SLAMF9: variants seen among roughly 807,000 people sequenced by gnomAD.
SLAMF9 encodes CD2 family member 10.
A neutral mutation model predicts 30.4 loss-of-function variants in SLAMF9; 25 were observed. The ratio of observed to expected loss-of-function variants is 0.82; its 90% CI spans 0.60 to 1.15. The LOEUF is 1.15. Ranked by LOEUF, SLAMF9 falls within the 50% of genes most tolerant of loss-of-function variation. The pLI, the probability that SLAMF9 is intolerant of heterozygous loss-of-function variation, is 0.00. For missense variants in SLAMF9, 344 were observed against 346.1 expected (o/e 0.99, Z 0.05); for synonymous variants, 129 against 127.2 (o/e 1.01, Z -0.09).
the SLAMF9 span, among the ~76,000 whole-genome samples, chr1:159,971,002 T>C: frequency 6.6e-6 from 1 of 152,148 alleles, no homozygotes; most frequent in Non-Finnish European, 1.5e-5. Flanking sequence ...TGTGTAACAA[T>C]ACACACACAA....
rs143290015 is a variant in SLAMF9 at position 159,951,816 on chromosome 1, T to C, written c.715A>G (p.Lys239Glu). 9.8e-4 allele frequency: 1,584 copies of C among 1,614,190 alleles called. 25 individuals are homozygous for C. The Admixed American group carries it at 0.024, about 25-fold the overall frequency. ...KPSTAFCLLA[K>E]GLLIFLLLVI... ...AAGAGCAAGAAGATGAGCAATCCCT[T>C]GGCCAGGAGGCAGAAGGCTGTTGAA... is the stretch of plus-strand genomic sequence containing the variant. Residue 239 changes from lysine (K) to glutamate (E), a missense_variant, in exon 4 of 4, where the codon AAG becomes GAG. By Grantham distance (56) the Lys-to-Glu change is moderately conservative. Coordinates refer to ENST00000368093, the MANE Select transcript of SLAMF9 (RefSeq NM_033438.4).
chr1:159,956,667 G>A (rs1651928338), upstream of SLAMF9, among the ~76,000 whole-genome samples: 1 of 151,758 alleles, frequency 6.6e-6, no homozygotes, highest in South Asian at 2.1e-4. Flanking sequence ...TTGAGAGGGA[G>A]CAAAGCAAAA....
chr1:159,977,717 T>C, the SLAMF9 span, among the ~76,000 whole-genome samples: 3 of 152,154 alleles, frequency 2.0e-5, no homozygotes, highest in African/African-American at 7.2e-5. Flanking sequence ...ACCACAGCCC[T>C]GTGCAGACAG....
At chr1:159,979,202 C>G in the SLAMF9 span, 2 of 152,218 alleles carry the variant, frequency 1.3e-5, no homozygotes, top group Non-Finnish European at 2.9e-5. Flanking sequence ...AAAGCAGGAG[C>G]AGCATAAGGC....
upstream of SLAMF9, among the ~76,000 whole-genome samples, chr1:159,957,140 C>CAA (rs143801500): frequency 0.24 from 25,017 of 104,686 alleles, 3,195 homozygotes; most frequent in Middle Eastern, 0.32. Flanking sequence ...AAAAAAAAGA[C>CAA]AAAAAAAAAA....
At chr1:159,978,267 CT>C in the SLAMF9 span, among the ~76,000 whole-genome samples, 4 of 152,030 alleles carry the variant, frequency 2.6e-5, no homozygotes, top group Non-Finnish European at 4.4e-5. Context: ...CAGGACAAGA[CT>C]TAGGGGTGGG....
upstream of SLAMF9, among the ~76,000 whole-genome samples, chr1:159,957,993 C>A (rs1460730492): frequency 6.6e-6 from 1 of 152,172 alleles, no homozygotes; most frequent in African/African-American, 2.4e-5. Context: ...GGGCCTCAGA[C>A]CTTGATGCGT....
At chr1:159,977,030 A>C in the SLAMF9 span, 1 of 152,318 alleles carries the variant, frequency 6.6e-6, no homozygotes, top group East Asian at 1.9e-4. Context: ...AGAAGATTGT[A>C]GCTAGGGGGA....
chr1:159,969,386 TA>T, the SLAMF9 span, among the ~76,000 whole-genome samples: 53 of 151,500 alleles, frequency 3.5e-4, no homozygotes, highest in Middle Eastern at 3.4e-3. Flanking sequence ...CTGCTGAACT[TA>T]AAAAAAAATC....
At chr1:159,977,194 C>G in the SLAMF9 span, 24 of 152,260 alleles carry the variant, frequency 1.6e-4, no homozygotes, top group African/African-American at 5.5e-4. Flanking sequence ...AGAAGAAAGG[C>G]AGATGAGGAA....
the SLAMF9 span, among the ~76,000 whole-genome samples, chr1:159,969,808 C>T: frequency 5.3e-5 from 8 of 152,106 alleles, no homozygotes; most frequent in African/African-American, 9.7e-5. Flanking sequence ...TTTGGGAGCC[C>T]GAGGCAGGCA....
the SLAMF9 span, among the ~76,000 whole-genome samples, chr1:159,963,839 T>C: frequency 6.6e-5 from 10 of 152,052 alleles, no homozygotes; most frequent in Non-Finnish European, 1.2e-4. Flanking sequence ...GGCGGGCAGA[T>C]CACGAGGTCA....
the SLAMF9 span, among the ~76,000 whole-genome samples, chr1:159,969,849 C>T: frequency 6.6e-6 from 1 of 152,114 alleles, no homozygotes; most frequent in Non-Finnish European, 1.5e-5. Flanking sequence ...TCAAGAGTCA[C>T]CTGGGTAACA....
At chr1:159,973,894 T>C in the SLAMF9 span, 21 of 1,612,346 alleles carry the variant, frequency 1.3e-5, 1 homozygote, top group South Asian at 1.5e-4. Context: ...CGGCTCTGCA[T>C]TGTTGCTCCT....
the SLAMF9 span, chr1:159,973,095 C>G: frequency 6.6e-7 from 1 of 1,509,834 alleles, no homozygotes; most frequent in Non-Finnish European, 8.9e-7. Context: ...CTCCTTGACT[C>G]CTGGGATGCA....
chr1:159,969,687 A>G, the SLAMF9 span, among the ~76,000 whole-genome samples: 2 of 152,244 alleles, frequency 1.3e-5, no homozygotes, highest in East Asian at 3.8e-4. Flanking sequence ...TATTTCCTGG[A>G]CAGGGGAGAG....
At chr1:159,983,609 T>C in the SLAMF9 span, 1 of 152,220 alleles carries the variant, frequency 6.6e-6, no homozygotes, top group African/African-American at 2.4e-5. Flanking sequence ...ATACTATTGT[T>C]AGGAAGGAAA....
At chr1:159,965,198 T>C in the SLAMF9 span, among the ~76,000 whole-genome samples, 3 of 152,226 alleles carry the variant, frequency 2.0e-5, no homozygotes, top group East Asian at 1.9e-4. Context: ...AGAGTCAAGG[T>C]TGGGGGAAAG....
At position 159,951,832 on chromosome 1, in the gene SLAMF9, G is replaced by T; in HGVS notation, c.699C>A (p.Ala233=). The T allele has an allele frequency of 6.2e-7, 1 of 1,614,184 alleles. No individual in the cohort carries two copies. The highest frequency in any genetic ancestry group is 8.5e-7 in the Non-Finnish European group (1 of 1,180,032). ...GCAATCCCTTGGCCAGGAGGCAGAA[G>T]GCTGTTGAAGGCTTCTCAGAAGCAT... is the stretch of plus-strand genomic sequence containing the variant. ...PNYASEKPST[A]FCLLAKGLLI... is the part of the protein sequence containing the mutation. Residue 233 remains alanine, a synonymous_variant, in exon 4 of 4, where the codon GCC becomes GCA. Coordinates refer to ENST00000368093, the MANE Select transcript of SLAMF9 (RefSeq NM_033438.4).
Sources: allele counts gnomAD v4.1 joint callset (sites outside exome capture counted in the v4.1 genomes callset), GRCh38; gene constraint gnomAD v4.1.1; transcripts MANE v1.5; gene names NCBI Gene and HGNC (gene_info 2026-07-23, HGNC 2026-07-21).